The following SCHIP1 variants were observed in gnomAD, a reference collection of about 807,000 sequenced individuals.
SCHIP1 encodes the protein schwannomin interacting protein 1, also known as schwannomin-interacting protein 1.
Under a neutral mutation model 29.7 loss-of-function variants are expected in SCHIP1, and 8 were observed. The observed-to-expected ratio is 0.27, with a 90% confidence interval of 0.16 to 0.49. SCHIP1 has a LOEUF of 0.49. Ranked by LOEUF, SCHIP1 falls within the 20% of genes least tolerant of loss-of-function variation. The pLI is 0.99. For synonymous variants in SCHIP1, 76 were observed against 94.9 expected, an observed-to-expected ratio of 0.80 and a Z score of 1.16; for missense variants, 193 against 294.6, an observed-to-expected ratio of 0.66 and a Z score of 2.52.
chr3:159,393,790 G>A, the SCHIP1 span, among the ~76,000 whole-genome samples: 203 of 151,636 alleles, frequency 1.3e-3, 1 homozygote, highest in Middle Eastern at 6.8e-3. Context: ...TTGACTTGGC[G>A]ATGCGGGCTC....
the SCHIP1 span, among the ~76,000 whole-genome samples, chr3:159,339,452 C>T: frequency 2.0e-4 from 30 of 152,178 alleles, no homozygotes; most frequent in Admixed American, 1.0e-3. Flanking sequence ...CTCTTCAGAA[C>T]CACTTTTATA....
At chr3:159,525,804 T>C in the SCHIP1 span, among the ~76,000 whole-genome samples, 26,225 of 152,220 alleles carry the variant, frequency 0.17, 2,499 homozygotes, top group South Asian at 0.35. Flanking sequence ...GGCAGAACAA[T>C]TGGACAGCCT....
At chr3:159,363,572 T>C in the SCHIP1 span, among the ~76,000 whole-genome samples, 1 of 152,198 alleles carries the variant, frequency 6.6e-6, no homozygotes, top group Admixed American at 6.5e-5. Context: ...TGGCAGGCTT[T>C]GGTGGATGAA....
the SCHIP1 span, among the ~76,000 whole-genome samples, chr3:159,691,856 C>T: frequency 3.1e-3 from 476 of 152,140 alleles, 3 homozygotes; most frequent in Middle Eastern, 0.01. Context: ...CCTTCATTTA[C>T]GAAGCTTAGT....
At chr3:159,290,322 A>C in the SCHIP1 span, among the ~76,000 whole-genome samples, 1 of 152,208 alleles carries the variant, frequency 6.6e-6, no homozygotes, top group Admixed American at 6.6e-5. Context: ...GTGGTAAATA[A>C]GTGTCTGTAC....
At chr3:159,772,784 A>T in the SCHIP1 span, among the ~76,000 whole-genome samples, 1 of 152,200 alleles carries the variant, frequency 6.6e-6, no homozygotes, top group Non-Finnish European at 1.5e-5. Context: ...TCTGTCGCCT[A>T]GGCTGGAGTA....
the SCHIP1 span, among the ~76,000 whole-genome samples, chr3:159,381,654 G>A: frequency 6.6e-6 from 1 of 151,810 alleles, no homozygotes; most frequent in Non-Finnish European, 1.5e-5. Context: ...GGAGTGCAGT[G>A]GCATGATCTT....
At chr3:159,590,156 G>A in the SCHIP1 span, among the ~76,000 whole-genome samples, 40 of 152,186 alleles carry the variant, frequency 2.6e-4, no homozygotes, top group African/African-American at 8.7e-4. Context: ...TACATGACCA[G>A]ACTGCAGGTC....
chr3:159,815,719 A>G, the SCHIP1 span, among the ~76,000 whole-genome samples: 1 of 152,108 alleles, frequency 6.6e-6, no homozygotes, highest in Non-Finnish European at 1.5e-5. Context: ...CTTCTATGCC[A>G]GTTCTCTCCA....
the SCHIP1 span, among the ~76,000 whole-genome samples, chr3:159,392,517 T>A: frequency 6.7e-6 from 1 of 148,326 alleles, no homozygotes; most frequent in East Asian, 2.0e-4. Flanking sequence ...GTCCATGTGA[T>A]CTCATTGTTC....
the SCHIP1 span, among the ~76,000 whole-genome samples, chr3:159,455,491 A>G: frequency 6.6e-6 from 1 of 152,350 alleles, no homozygotes; most frequent in African/African-American, 2.4e-5. Flanking sequence ...TCAGAAAAGT[A>G]TACAAGTCAA....
At chr3:159,780,989 C>A in the SCHIP1 span, among the ~76,000 whole-genome samples, 9 of 152,310 alleles carry the variant, frequency 5.9e-5, no homozygotes, top group South Asian at 1.9e-3. Flanking sequence ...ATCAGATCAT[C>A]ATCTCCTTAT....
chr3:159,668,007 A>T, the SCHIP1 span, among the ~76,000 whole-genome samples: 1 of 152,218 alleles, frequency 6.6e-6, no homozygotes, highest in Non-Finnish European at 1.5e-5. Context: ...AGCCAGTGAA[A>T]GAGAAGTTTC....
chr3:159,571,559 A>C, the SCHIP1 span, among the ~76,000 whole-genome samples: 1 of 152,202 alleles, frequency 6.6e-6, no homozygotes, highest in Non-Finnish European at 1.5e-5. Flanking sequence ...TTTCACATCA[A>C]TGTTCATCAG....
the SCHIP1 span, among the ~76,000 whole-genome samples, chr3:159,429,920 A>G: frequency 3.8e-3 from 575 of 152,306 alleles, 1 homozygote; most frequent in African/African-American, 0.013. Flanking sequence ...ATGAATATCA[A>G]TGATTTGATA....
At chr3:159,642,412 C>T in the SCHIP1 span, among the ~76,000 whole-genome samples, 2 of 152,094 alleles carry the variant, frequency 1.3e-5, no homozygotes, top group African/African-American at 4.8e-5. Context: ...ACAAATGTGA[C>T]TCCTTATTCA....
At chr3:159,342,905 A>G in the SCHIP1 span, among the ~76,000 whole-genome samples, 3 of 152,358 alleles carry the variant, frequency 2.0e-5, no homozygotes, top group East Asian at 1.9e-4. Context: ...TTATGTAACC[A>G]TAATTAATGG....
the SCHIP1 span, among the ~76,000 whole-genome samples, chr3:159,403,128 T>A: frequency 6.6e-6 from 1 of 152,122 alleles, no homozygotes; most frequent in Non-Finnish European, 1.5e-5. Flanking sequence ...CTTTATCCAT[T>A]CCTTTAATGG....
At chr3:159,873,578 G>A (rs1161168566) in intron 2 of SCHIP1, among the ~76,000 whole-genome samples, 1 of 152,200 alleles carries the variant, frequency 6.6e-6, no homozygotes, top group Non-Finnish European at 1.5e-5. Flanking sequence ...GACATTTCAT[G>A]CCTAATAGTG....
Sources: allele counts gnomAD v4.1 joint callset (sites outside exome capture counted in the v4.1 genomes callset), GRCh38; gene constraint gnomAD v4.1.1; transcripts MANE v1.5; gene names NCBI Gene and HGNC (gene_info 2026-07-23, HGNC 2026-07-21).